NCALD: variants seen among roughly 807,000 people sequenced by gnomAD.
The protein encoded by NCALD is neurocalcin delta.
Under a neutral mutation model 18.6 loss-of-function variants are expected in NCALD, and 10 were observed. The observed-to-expected ratio is 0.54, with a 90% CI of 0.33 to 0.91. The LOEUF is 0.91. NCALD is among the 40% of genes least tolerant of loss of function. The pLI, the probability that NCALD is intolerant of heterozygous loss-of-function variation, is 0.03. For synonymous variants in NCALD, 88 were observed against 87.4 expected, an observed-to-expected ratio of 1.01 and a Z score of -0.04; for missense variants, 184 against 247.6, an observed-to-expected ratio of 0.74 and a Z score of 1.72.
At chr8:101,879,747 C>A (rs1445800018) in intron 4 of NCALD, among the ~76,000 whole-genome samples, 1 of 152,194 alleles carries the variant, frequency 6.6e-6, no homozygotes, top group Non-Finnish European at 1.5e-5. Flanking sequence ...CTGAGCTAGA[C>A]ACAAAAGTTT....
intron 2 of NCALD, 30 bp downstream of exon 2, chr8:101,719,221 CT>C: frequency 6.3e-7 from 1 of 1,594,946 alleles, no homozygotes; most frequent in African/African-American, 1.3e-5. Context: ...GATACATGCC[CT>C]TCTTTTTTTA....
chr8:101,984,373 T>G (rs1461406964), intron 2 of NCALD, among the ~76,000 whole-genome samples: 1 of 152,202 alleles, frequency 6.6e-6, no homozygotes, highest in African/African-American at 2.4e-5. Flanking sequence ...TATATATCAT[T>G]GTGACATCAG....
chr8:101,812,352 GT>G (rs1436544224), intron 4 of NCALD, among the ~76,000 whole-genome samples: 8 of 152,192 alleles, frequency 5.3e-5, no homozygotes, highest in African/African-American at 1.9e-4. Context: ...AAAATGAGAT[GT>G]TCAGTTATTG....
chr8:101,803,496 C>T (rs1386387555), intron 4 of NCALD, among the ~76,000 whole-genome samples: 1 of 152,124 alleles, frequency 6.6e-6, no homozygotes, highest in East Asian at 1.9e-4. Flanking sequence ...ACCTTCAAGT[C>T]TTATTATTTA....
At chr8:101,922,403 G>A (rs1256890418) in intron 2 of NCALD, among the ~76,000 whole-genome samples, 1 of 152,114 alleles carries the variant, frequency 6.6e-6, no homozygotes, top group East Asian at 1.9e-4. Context: ...ACGTTTCATT[G>A]ACCTGCTCAC....
chr8:101,701,365 A>G (rs1043080287), intron 2 of NCALD, among the ~76,000 whole-genome samples: 10 of 152,292 alleles, frequency 6.6e-5, no homozygotes, highest in African/African-American at 1.2e-4. Flanking sequence ...AGCAATGTCA[A>G]TGAGAGGTCT....
chr8:101,745,239 C>T (rs1810378631), intron 1 of NCALD, among the ~76,000 whole-genome samples: 1 of 152,142 alleles, frequency 6.6e-6, no homozygotes, highest in African/African-American at 2.4e-5. Flanking sequence ...CCATTTTAGC[C>T]TGTCATCTCT....
At chr8:101,895,260 A>C (rs1290414588) in intron 3 of NCALD, among the ~76,000 whole-genome samples, 1 of 134,388 alleles carries the variant, frequency 7.4e-6, no homozygotes, top group Non-Finnish European at 1.5e-5. Flanking sequence ...CAAAGACAAA[A>C]ACCACATGAT....
intron 3 of NCALD, among the ~76,000 whole-genome samples, chr8:101,891,806 A>G (rs71572839): frequency 0.067 from 10,227 of 152,216 alleles, 717 homozygotes; most frequent in African/African-American, 0.17. Flanking sequence ...TTTTCAGACC[A>G]GCTTAAAAAA....
intron 2 of NCALD, among the ~76,000 whole-genome samples, chr8:101,957,367 G>A (rs1307491546): frequency 7.3e-6 from 1 of 137,228 alleles, no homozygotes; most frequent in Non-Finnish European, 1.5e-5. Flanking sequence ...ACAAGAAGTT[G>A]CCCTCCGCAG....
exon 3 of NCALD, chr8:101,915,831 G>A: frequency 6.6e-6 from 1 of 152,124 alleles, no homozygotes; most frequent in East Asian, 1.9e-4. Context: ...AGCAACGAGT[G>A]GTCCCAGGAG....
At chr8:101,848,043 G>C (rs1033369582) in intron 4 of NCALD, among the ~76,000 whole-genome samples, 5 of 152,160 alleles carry the variant, frequency 3.3e-5, no homozygotes, top group African/African-American at 1.2e-4. Flanking sequence ...AAGAGACTTT[G>C]GGGGTTGAAT....
intron 2 of NCALD, among the ~76,000 whole-genome samples, chr8:101,942,279 C>G (rs1312802904): frequency 1.3e-5 from 2 of 152,170 alleles, no homozygotes; most frequent in African/African-American, 4.8e-5. Context: ...CTCGCTGCAC[C>G]AAGAACTTCA....
At chr8:101,796,911 T>C (rs551477913) in intron 4 of NCALD, among the ~76,000 whole-genome samples, 2 of 152,318 alleles carry the variant, frequency 1.3e-5, no homozygotes, top group South Asian at 2.1e-4. Context: ...CTCACTGAGA[T>C]AGATGCATTT....
chr8:101,878,027 A>G (rs1055151952), intron 4 of NCALD, among the ~76,000 whole-genome samples: 1 of 152,258 alleles, frequency 6.6e-6, no homozygotes, highest in Admixed American at 6.5e-5. Context: ...AACTGTTACT[A>G]ATTATGGTTC....
In NCALD at chr8:101,772,339, G is replaced by A. The variant is rs143542895; in HGVS notation, c.-20+18523C>T. ...ACCAGCCTTCTGTAGGATCCACTGT[G>A]GGAAATGCCGACAGGCCCACAGTCT... On this transcript the variant is annotated intron_variant, in intron 1 of 3. Transcript: ENST00000220931. 8.9e-3 allele frequency among the ~76,000 whole-genome samples: 1,356 copies of A among 152,292 alleles called. 11 individuals carry two copies. The highest frequency in any genetic ancestry group is 0.041 in the Middle Eastern group (12 of 294).
At chr8:101,974,411 C>T (rs1273990423) in intron 2 of NCALD, among the ~76,000 whole-genome samples, 2 of 152,086 alleles carry the variant, frequency 1.3e-5, no homozygotes, top group South Asian at 2.1e-4. Context: ...TGCCCCAAAC[C>T]CCCTTCTATG....
chr8:102,010,958 A>G (rs1821883894), intron 2 of NCALD, among the ~76,000 whole-genome samples: 2 of 152,206 alleles, frequency 1.3e-5, no homozygotes, highest in Admixed American at 1.3e-4. Flanking sequence ...CATATATCCC[A>G]TGAATAAGCT....
chr8:101,814,738 T>TAA (rs1401371651), intron 4 of NCALD, among the ~76,000 whole-genome samples: 1 of 152,076 alleles, frequency 6.6e-6, no homozygotes, highest in African/African-American at 2.4e-5. Flanking sequence ...ACTCCTGTAC[T>TAA]AATAAGGGAT....
Sources: allele counts gnomAD v4.1 joint callset (sites outside exome capture counted in the v4.1 genomes callset), GRCh38; gene constraint gnomAD v4.1.1; transcripts MANE v1.5; gene names NCBI Gene and HGNC (gene_info 2026-07-23, HGNC 2026-07-21).